The following RAB21 variants were observed in gnomAD, a reference collection of about 807,000 sequenced individuals.
RAB21 encodes the protein RAB21, member RAS oncogene family.
Under a neutral mutation model 33.1 loss-of-function variants are expected in RAB21, and 13 were observed. The observed-to-expected ratio is 0.39, with a 90% confidence interval of 0.26 to 0.62. The LOEUF (loss-of-function observed/expected upper bound fraction) is 0.62. Among genes scored for constraint, RAB21 ranks in the 20% least tolerant of loss-of-function variants. The pLI, the probability that RAB21 is intolerant of heterozygous loss-of-function variation, is 0.48. For synonymous variants in RAB21, 91 were observed against 103.7 expected (o/e 0.88, Z 0.74); for missense variants, 234 against 279.1 (o/e 0.84, Z 1.15).
At position 71,797,768 on chromosome 12, in the gene RAB21, G is replaced by A. The variant is rs942619114; in HGVS notation, c.*12095G>A. On this transcript the variant is annotated 3_prime_UTR_variant, in exon 7 of 7. Coordinates refer to ENST00000261263, the MANE Select transcript of RAB21 (RefSeq NM_014999.4). ...TATGACTAGACAGATCATTCAAGCA[G>A]AAGGAAAATGAACCCAGATATGGGA... 6.6e-6 allele frequency: 1 copy of A among 150,504 alleles called. No individual in the cohort carries two copies. Among genetic ancestry groups the A allele is most frequent in the African/African-American group, 2.5e-5 (1 of 40,452 alleles). 9.3% of individuals were successfully genotyped at this position (150,504 alleles called of 1,614,324 possible).
At chr12:71,780,395 C>A (rs1477358141) in intron 4 of RAB21, among the ~76,000 whole-genome samples, 1 of 152,158 alleles carries the variant, frequency 6.6e-6, no homozygotes, top group Non-Finnish European at 1.5e-5. Context: ...TTGTTGGAGC[C>A]ACTGGCCACC....
At chr12:71,767,707 A>C (rs1882983050) in intron 1 of RAB21, among the ~76,000 whole-genome samples, 1 of 152,178 alleles carries the variant, frequency 6.6e-6, no homozygotes, top group African/African-American at 2.4e-5. Context: ...GATATTTCCA[A>C]GTTTCTAAAC....
chr12:71,770,079 G>T (rs1458620479), intron 2 of RAB21, among the ~76,000 whole-genome samples: 3 of 152,158 alleles, frequency 2.0e-5, no homozygotes, highest in Non-Finnish European at 4.4e-5. Flanking sequence ...CCACTTCAGA[G>T]AGAGGACAGG....
chr12:71,795,494 CTAATT>C lies in RAB21; in HGVS notation c.*9825_*9829del, dbSNP rs752739359. On this transcript the variant is annotated 3_prime_UTR_variant, in exon 7 of 7. Transcript: ENST00000261263. ...CTATGACCTCTAGTCACAAATTTAA[CTAATT>C]TAAGGTTAACTAATACCTCTTTCAG... The C allele has an allele frequency of 2.4e-5, 3 of 124,314 alleles. 1 individual carries two copies. Among genetic ancestry groups the C allele is most frequent in the African/African-American group, 6.6e-5 (2 of 30,086 alleles). 7.7% of individuals were successfully genotyped at this position (124,314 alleles called of 1,614,324 possible).
chr12:71,764,035 A>G (rs1158696283), intron 1 of RAB21, among the ~76,000 whole-genome samples: 1 of 152,136 alleles, frequency 6.6e-6, no homozygotes, highest in Non-Finnish European at 1.5e-5. Context: ...AAAAAGCCCA[A>G]GCACAGTGCT....
rs1207595592 is a variant in RAB21 at position 71,797,626 on chromosome 12, A to G, written c.*11953A>G. The G allele has an allele frequency of 1.3e-5, 1 of 78,934 alleles. No homozygotes were observed. Among genetic ancestry groups the G allele is most frequent in the Non-Finnish European group, 2.0e-5 (1 of 49,762 alleles). The allele number at this position is 78,934 out of a possible 1,614,324, so 4.9% of individuals were successfully genotyped here. On this transcript the variant is annotated 3_prime_UTR_variant, in exon 7 of 7. Coordinates refer to ENST00000261263, the MANE Select transcript of RAB21 (RefSeq NM_014999.4). ...GCTGATTCCAAAGTTTCTTTGAGGA[A>G]AAAAAAAAAAAAAAGCAAGACTAGC...
At chr12:71,771,058 C>T (rs1272303887) in intron 3 of RAB21, among the ~76,000 whole-genome samples, 2 of 152,152 alleles carry the variant, frequency 1.3e-5, no homozygotes, top group Non-Finnish European at 2.9e-5. Flanking sequence ...TCCTTAATTC[C>T]ATACGCATTG....
At chr12:71,784,825 C>T (rs2137659594) in intron 6 of RAB21, among the ~76,000 whole-genome samples, 1 of 152,226 alleles carries the variant, frequency 6.6e-6, no homozygotes, top group East Asian at 1.9e-4. Flanking sequence ...GGGACAGTGG[C>T]TCACACCTAT....
chr12:71,759,525 C>G (rs1423176596), intron 1 of RAB21, among the ~76,000 whole-genome samples: 2 of 152,216 alleles, frequency 1.3e-5, no homozygotes, highest in Admixed American at 1.3e-4. Flanking sequence ...GCCATCCCCT[C>G]CTCCTTCCCT....
At chr12:71,755,450 G>C (rs1437677374) in intron 1 of RAB21, among the ~76,000 whole-genome samples, 162 bp downstream of exon 1, 1 of 152,190 alleles carries the variant, frequency 6.6e-6, no homozygotes, top group Non-Finnish European at 1.5e-5. Flanking sequence ...GGAATCACCA[G>C]GTCGGGGCAG....
At chr12:71,770,822 A>G (rs972521143) in intron 3 of RAB21, 123 bp downstream of exon 3, 7 of 639,656 alleles carry the variant, frequency 1.1e-5, no homozygotes, top group East Asian at 6.2e-5. Context: ...TAATTTGTGC[A>G]TAACTGGTGA....
chr12:71,774,708 G>T (rs1269239821), intron 4 of RAB21, among the ~76,000 whole-genome samples: 6 of 149,222 alleles, frequency 4.0e-5, no homozygotes, highest in Non-Finnish European at 7.4e-5. Flanking sequence ...AGTGAGCCAA[G>T]ATCACGCCAT....
chr12:71,782,765 T>C, intron 6 of RAB21, 107 bp downstream of exon 6: 3 of 731,882 alleles, frequency 4.1e-6, no homozygotes, highest in Non-Finnish European at 6.4e-6. Context: ...ATTGGTTCTT[T>C]TTAAACTATT....
chr12:71,766,624 C>T (rs1344445335), intron 1 of RAB21, among the ~76,000 whole-genome samples: 5 of 152,032 alleles, frequency 3.3e-5, no homozygotes, highest in Non-Finnish European at 5.9e-5. Flanking sequence ...TAGTATAAGA[C>T]AGTATAAGCT....
In RAB21 at chr12:71,782,643, C is replaced by G. The variant is rs1352259986; in HGVS notation, c.520C>G (p.Leu174Val). 3.1e-6 allele frequency: 5 copies of G among 1,589,610 alleles called. No individual in the cohort carries two copies. Among genetic ancestry groups the G allele is most frequent in the Non-Finnish European group, 4.3e-6 (5 of 1,164,896 alleles). ...KQNKGIEELF[L>V]DLCKRMIETA... ...GAACAAAGGAATTGAGGAACTCTTT[C>G]TTGACCTTTGTAAAAGTAGGTATAT... Residue 174 changes from leucine to valine, a missense_variant, in exon 6 of 7, where the codon CTT becomes GTT. Coordinates refer to ENST00000261263, the MANE Select transcript of RAB21 (RefSeq NM_014999.4).
intron 5 of RAB21, 127 bp downstream of exon 5, chr12:71,782,212 A>C: frequency 1.1e-6 from 1 of 903,512 alleles, no homozygotes; most frequent in Non-Finnish European, 1.7e-6. Context: ...GATTCAGTGA[A>C]GCATGTTTAC....
intron 4 of RAB21, among the ~76,000 whole-genome samples, chr12:71,777,200 C>CA (rs1883133676): frequency 6.6e-6 from 1 of 152,186 alleles, no homozygotes; most frequent in African/African-American, 2.4e-5. Flanking sequence ...TCCCAACACT[C>CA]ACAGTTGTTT....
intron 4 of RAB21, among the ~76,000 whole-genome samples, chr12:71,779,006 A>G (rs1489224121): frequency 2.0e-5 from 3 of 152,218 alleles, no homozygotes; most frequent in African/African-American, 7.2e-5. Flanking sequence ...TTGATCATTC[A>G]CTGTGATGAA....
At chr12:71,769,186 A>C (rs558082772) in intron 1 of RAB21, among the ~76,000 whole-genome samples, 1 of 152,294 alleles carries the variant, frequency 6.6e-6, no homozygotes, top group South Asian at 2.1e-4. Flanking sequence ...GACAACTGTT[A>C]TACTTCCTTT....
Sources: gnomAD v4.1 joint callset for allele counts (sites outside exome capture counted in the v4.1 genomes callset) on GRCh38, gnomAD v4.1.1 for gene constraint, MANE v1.5 for transcripts, NCBI Gene and HGNC (gene_info 2026-07-23, HGNC 2026-07-21) for gene names.